Variants in SYNPR observed in about 807,000 individuals in gnomAD.
SYNPR encodes synaptoporin.
Under a neutral mutation model 32.9 loss-of-function variants are expected in SYNPR, and 23 were observed. The observed-to-expected ratio is 0.70, with a 90% CI of 0.50 to 0.99. The LOEUF (loss-of-function observed/expected upper bound fraction) is 0.99, where lower values mean the gene tolerates loss of function less well. Ranked by LOEUF, SYNPR falls within the 50% of genes least tolerant of loss-of-function variation. The pLI, the probability that SYNPR is intolerant of heterozygous loss-of-function variation, is 0.00. For missense variants in SYNPR, 318 were observed against 349.3 expected (o/e 0.91, Z 0.71); for synonymous variants, 146 against 135.9 (o/e 1.07, Z -0.52).
chr3:63,532,184 T>C (rs1166597718), intron 3 of SYNPR, among the ~76,000 whole-genome samples: 1 of 152,222 alleles, frequency 6.6e-6, no homozygotes, highest in Non-Finnish European at 1.5e-5. Flanking sequence ...ACCATCCTCT[T>C]TGAAAAACTG....
chr3:63,501,000 G>T (rs1701466082), intron 3 of SYNPR, among the ~76,000 whole-genome samples: 1 of 152,080 alleles, frequency 6.6e-6, no homozygotes, highest in Admixed American at 6.6e-5. Flanking sequence ...CAAGTTTTCT[G>T]TGACATTGAA....
chr3:63,333,529 A>G (rs140129446), intron 2 of SYNPR, among the ~76,000 whole-genome samples: 63 of 152,156 alleles, frequency 4.1e-4, no homozygotes, highest in African/African-American at 1.4e-3. Flanking sequence ...TGATCCTCCC[A>G]TCTCAACCTC....
At chr3:63,339,257 G>A (rs1186559773) in intron 2 of SYNPR, among the ~76,000 whole-genome samples, 1 of 152,188 alleles carries the variant, frequency 6.6e-6, no homozygotes, top group African/African-American at 2.4e-5. Context: ...AGTAAACAAA[G>A]AGAGGCAACA....
chr3:63,556,285 T>A (rs1702593701), intron 3 of SYNPR, among the ~76,000 whole-genome samples: 1 of 152,186 alleles, frequency 6.6e-6, no homozygotes, highest in African/African-American at 2.4e-5. Context: ...TGATTTCAGG[T>A]TCCCTTTCCC....
At chr3:63,275,362 G>A (rs1318079900), upstream of SYNPR, among the ~76,000 whole-genome samples, 1 of 152,160 alleles carries the variant, frequency 6.6e-6, no homozygotes, top group Non-Finnish European at 1.5e-5. Context: ...TGCAGCTGTT[G>A]GAAGCTCATA....
At chr3:63,416,403 G>A (rs984057421) in intron 2 of SYNPR, among the ~76,000 whole-genome samples, 10 of 151,936 alleles carry the variant, frequency 6.6e-5, no homozygotes, top group South Asian at 2.1e-4. Context: ...GTGGTGGTGC[G>A]TGCCTGTAGT....
intron 2 of SYNPR, among the ~76,000 whole-genome samples, chr3:63,308,972 G>A (rs1438992768): frequency 6.6e-6 from 1 of 151,770 alleles, no homozygotes; most frequent in Non-Finnish European, 1.5e-5. Context: ...ATAGACTTCA[G>A]TTTCTCATAA....
chr3:63,426,015 G>C (rs1200706487), intron 2 of SYNPR, among the ~76,000 whole-genome samples: 1 of 151,936 alleles, frequency 6.6e-6, no homozygotes, highest in African/African-American at 2.4e-5. Flanking sequence ...TTGAACTCCT[G>C]ACCTTGTGAT....
chr3:63,361,598 C>CAA (rs34536474), intron 2 of SYNPR, among the ~76,000 whole-genome samples: 7 of 78,856 alleles, frequency 8.9e-5, no homozygotes, highest in African/African-American at 1.8e-4. Context: ...ACTCTGTCTC[C>CAA]AAAAAAAAAA....
intron 2 of SYNPR, among the ~76,000 whole-genome samples, chr3:63,297,038 T>C (rs1254338729): frequency 2.0e-5 from 3 of 152,206 alleles, no homozygotes; most frequent in Non-Finnish European, 4.4e-5. Flanking sequence ...TAAAATTAAA[T>C]AGCTAGTGGT....
At chr3:63,469,103 G>T (rs191069373) in intron 2 of SYNPR, among the ~76,000 whole-genome samples, 1 of 152,010 alleles carries the variant, frequency 6.6e-6, no homozygotes, top group Non-Finnish European at 1.5e-5. Flanking sequence ...CATGCCAAAT[G>T]TATTGAATTC....
intron 2 of SYNPR, among the ~76,000 whole-genome samples, chr3:63,301,877 A>G (rs909785595): frequency 5.3e-5 from 8 of 152,198 alleles, no homozygotes; most frequent in Middle Eastern, 6.8e-3. Flanking sequence ...TGTTGTATAA[A>G]TGAATTAATT....
rs552006427 is a variant in SYNPR, at chr3:63,381,059, C to T, written c.85-99773C>T. ...TGTTGGAAGTTCTGGCCAGGGCAGT[C>T]GGGCAGGAGAAAGAAATAAAGGGTA... On this transcript the variant is annotated intron_variant, in intron 2 of 5. Coordinates refer to ENST00000478300, the MANE Select transcript of SYNPR (RefSeq NM_001130003.2). Among the ~76,000 whole-genome samples, 538 of 152,128 alleles carry T rather than the reference C, an allele frequency of 3.5e-3. 19 individuals carry two copies. Among genetic ancestry groups the T allele is most frequent in the Admixed American group, 0.032 (487 of 15,278 alleles).
chr3:63,487,806 G>A (rs1299178182), intron 3 of SYNPR, among the ~76,000 whole-genome samples: 1 of 152,186 alleles, frequency 6.6e-6, no homozygotes, highest in Non-Finnish European at 1.5e-5. Context: ...ATCCTTGGGA[G>A]GTTGGCATCG....
At chr3:63,588,478 T>C (rs1703233083) in intron 4 of SYNPR, among the ~76,000 whole-genome samples, 1 of 152,086 alleles carries the variant, frequency 6.6e-6, no homozygotes, top group South Asian at 2.1e-4. Flanking sequence ...ATTAACTAAA[T>C]CTTAGCATTT....
intron 4 of SYNPR, among the ~76,000 whole-genome samples, chr3:63,558,520 A>C (rs1353001318): frequency 1.3e-5 from 2 of 151,978 alleles, no homozygotes; most frequent in Non-Finnish European, 2.9e-5. Context: ...TTTTGCAGAG[A>C]CAAGGTTTCA....
chr3:63,614,860 T>G (rs942567401), intron 5 of SYNPR, among the ~76,000 whole-genome samples: 7 of 152,166 alleles, frequency 4.6e-5, no homozygotes, highest in African/African-American at 1.7e-4. Context: ...TTAAGTAAGG[T>G]TTCCAGTTAT....
chr3:63,310,092 C>A (rs1307608970), intron 2 of SYNPR, among the ~76,000 whole-genome samples: 1 of 151,914 alleles, frequency 6.6e-6, no homozygotes, highest in Non-Finnish European at 1.5e-5. Context: ...CCAAGCCCTG[C>A]AAGCTTCCTG....
chr3:63,485,211 C>T (rs10461042), intron 3 of SYNPR, among the ~76,000 whole-genome samples: 3,492 of 151,852 alleles, frequency 0.023, 58 homozygotes, highest in East Asian at 0.05. Flanking sequence ...GATGCCTGTT[C>T]TTGTAAAAAA....
Sources: gnomAD v4.1 joint callset for allele counts (sites outside exome capture counted in the v4.1 genomes callset) on GRCh38, gnomAD v4.1.1 for gene constraint, MANE v1.5 for transcripts, NCBI Gene and HGNC (gene_info 2026-07-23, HGNC 2026-07-21) for gene names.